The following TTC17 variants were observed in gnomAD, a reference collection of about 807,000 sequenced individuals.
TTC17 encodes the protein tetratricopeptide repeat protein 17.
Under a neutral mutation model 143.8 loss-of-function variants are expected in TTC17, and 58 were observed. That is an observed-to-expected ratio of 0.40 (90% CI 0.33 to 0.50). The LOEUF (loss-of-function observed/expected upper bound fraction) is 0.50, where lower values mean the gene tolerates loss of function less well. Ranked by LOEUF, TTC17 falls within the 20% of genes least tolerant of loss-of-function variation. TTC17 has a pLI of 0.49. For missense variants in TTC17, 1,273 were observed against 1,392.5 expected (o/e 0.91, Z 1.37); for synonymous variants, 501 against 497.8 (o/e 1.01, Z -0.09).
chr11:43,419,847 C>T (rs757397752), intron 16 of TTC17, among the ~76,000 whole-genome samples: 1 of 152,136 alleles, frequency 6.6e-6, no homozygotes, highest in Non-Finnish European at 1.5e-5. Context: ...TGTACCACTG[C>T]ACCTGACTCT....
chr11:43,368,522 T>A (rs964772774), intron 1 of TTC17, among the ~76,000 whole-genome samples: 2 of 152,178 alleles, frequency 1.3e-5, no homozygotes, highest in African/African-American at 4.8e-5. Context: ...TCCAGAATGT[T>A]TCCTGAATCC....
At chr11:43,362,665 C>T (rs1434613847) in intron 1 of TTC17, among the ~76,000 whole-genome samples, 2 of 152,168 alleles carry the variant, frequency 1.3e-5, no homozygotes, top group Non-Finnish European at 2.9e-5. Flanking sequence ...GGCTGAAGTG[C>T]ATGGTTACTC....
chr11:43,435,436 C>T (rs943766205), intron 16 of TTC17: 6 of 152,316 alleles, frequency 3.9e-5, no homozygotes, highest in Admixed American at 6.5e-5. Context: ...CTCCCCTACC[C>T]AGAGAATGAC....
intron 21 of TTC17, among the ~76,000 whole-genome samples, chr11:43,488,738 G>T (rs1948421425): frequency 6.6e-6 from 1 of 152,072 alleles, no homozygotes; most frequent in South Asian, 2.1e-4. Flanking sequence ...TCTGTCTCCT[G>T]CAGGCTGAAG....
rs7113795 is a variant in TTC17 at position 43,410,462 on chromosome 11, G to A, written c.2064+2885G>A. Reference sequence around the variant, plus strand: ...ATATATAAAGATCTTTTCCTGTGACGTCTCCTGGATATTTTATAGTTTTAG... The same window carrying A: ...ATATATAAAGATCTTTTCCTGTGACATCTCCTGGATATTTTATAGTTTTAG... On this transcript the variant is annotated intron_variant, in intron 15 of 23. Coordinates refer to ENST00000039989, the MANE Select transcript of TTC17 (RefSeq NM_018259.6). 4.6e-3 allele frequency among the ~76,000 whole-genome samples: 699 copies of A among 152,154 alleles called. 1 individual carries two copies. Among genetic ancestry groups the A allele is most frequent in the African/African-American group, 0.016 (667 of 41,506 alleles).
rs1565140808 is a variant in TTC17 at position 43,391,609 on chromosome 11, TG to T, written c.531+34del. ...GAGAACTTTAGGATTTTTTTTTTTTTGCGTTGCGTTCTTCTTTCAGTTGGTC... is the reference window on the plus strand; with the variant it reads ...GAGAACTTTAGGATTTTTTTTTTTTTCGTTGCGTTCTTCTTTCAGTTGGTC... On this transcript the variant is annotated intron_variant, in intron 4 of 23. Transcript: ENST00000039989. 1.1e-4 allele frequency: 29 copies of T among 271,556 alleles called. 2 individuals carry two copies. Among genetic ancestry groups the T allele is most frequent in the Admixed American group, 3.8e-4 (2 of 5,306 alleles). The allele number at this position is 271,556 out of a possible 1,614,324, so 16.8% of individuals were successfully genotyped here. A position where few individuals can be genotyped will look rare whatever the true frequency, so the allele number is the denominator to read the frequency against.
At chr11:43,451,887 G>T (rs1324564501) in intron 21 of TTC17, among the ~76,000 whole-genome samples, 1 of 152,144 alleles carries the variant, frequency 6.6e-6, no homozygotes, top group Non-Finnish European at 1.5e-5. Flanking sequence ...CCAACTTCAA[G>T]TATGAATGCG....
chr11:43,423,161 A>G (rs1289148288), intron 16 of TTC17, among the ~76,000 whole-genome samples: 2 of 152,214 alleles, frequency 1.3e-5, no homozygotes, highest in African/African-American at 2.4e-5. Flanking sequence ...GACTTGTCAG[A>G]TGAGAGTGAA....
At chr11:43,489,294 T>C (rs1321473686) in intron 21 of TTC17, among the ~76,000 whole-genome samples, 1 of 152,160 alleles carries the variant, frequency 6.6e-6, no homozygotes, top group Non-Finnish European at 1.5e-5. Flanking sequence ...TATGGAAGAA[T>C]GGTCAACTCT....
intron 15 of TTC17, among the ~76,000 whole-genome samples, chr11:43,413,287 G>A (rs1005016941): frequency 1.3e-5 from 2 of 152,140 alleles, no homozygotes; most frequent in Admixed American, 1.3e-4. Flanking sequence ...ATATCCTTAT[G>A]GAGAAAGATA....
At chr11:43,370,775 ATAGT>A (rs1360434421) in intron 1 of TTC17, among the ~76,000 whole-genome samples, 1 of 149,306 alleles carries the variant, frequency 6.7e-6, no homozygotes, top group Non-Finnish European at 1.5e-5. Flanking sequence ...AAACTGTCAG[ATAGT>A]TAAAGAGAGG....
chr11:43,477,444 G>A (rs182317933), intron 21 of TTC17, among the ~76,000 whole-genome samples: 1 of 152,136 alleles, frequency 6.6e-6, no homozygotes, highest in Non-Finnish European at 1.5e-5. Context: ...CCAAAACCAG[G>A]AACAAAAAGG....
intron 21 of TTC17, among the ~76,000 whole-genome samples, chr11:43,456,897 C>G (rs947279280): frequency 6.6e-6 from 1 of 152,070 alleles, no homozygotes; most frequent in Non-Finnish European, 1.5e-5. Flanking sequence ...AGGCTCAAAA[C>G]TTAGGAACGG....
chr11:43,453,972 G>A (rs1339711640), intron 21 of TTC17, among the ~76,000 whole-genome samples: 3 of 152,154 alleles, frequency 2.0e-5, no homozygotes, highest in African/African-American at 7.2e-5. Flanking sequence ...TGGCTGACTG[G>A]CAGCTACAGC....
chr11:43,378,517 A>G (rs904400959), intron 1 of TTC17, among the ~76,000 whole-genome samples: 1 of 152,220 alleles, frequency 6.6e-6, no homozygotes, highest in African/African-American at 2.4e-5. Context: ...CAAATGTTGT[A>G]ATGAGCATCC....
intron 1 of TTC17, among the ~76,000 whole-genome samples, chr11:43,377,000 A>G: frequency 6.6e-6 from 1 of 152,190 alleles, no homozygotes; most frequent in East Asian, 1.9e-4. Context: ...GGCACAGTAA[A>G]AATACAGTAT....
chr11:43,369,863 GCC>G (rs1856495669), intron 1 of TTC17, among the ~76,000 whole-genome samples: 1 of 151,898 alleles, frequency 6.6e-6, no homozygotes, highest in Non-Finnish European at 1.5e-5. Context: ...GAGTTCTCCC[GCC>G]TTGGCCTCCC....
Position 43,391,574 on chromosome 11 carries a change from A to C in TTC17, c.529A>C (p.Arg177=), listed in dbSNP as rs1019592858. The C allele has an allele frequency of 1.3e-6, 2 of 1,546,074 alleles. No individual in the cohort carries two copies. Among genetic ancestry groups the C allele is most frequent in the African/African-American group, 2.9e-5 (2 of 70,034 alleles). The change falls in exon 4 of 24, where the codon AGA becomes CGA. Residue 177 remains arginine (R), a splice_region_variant and synonymous_variant. Transcript: ENST00000039989. ...TAGTATACATGCTTTTCAGCACTTG[A>C]GAGTAAGTAGAGAACTTTAGGATTT... ...PYSIHAFQHL[R]GVQERVNLSA... is the part of the protein sequence containing the mutation.
At chr11:43,448,159 TG>T (rs1947586809) in intron 19 of TTC17, 37 bp downstream of exon 19, 1 of 1,610,592 alleles carries the variant, frequency 6.2e-7, no homozygotes, top group African/African-American at 1.3e-5. Context: ...TTATGGCATT[TG>T]AGTCCCATTG....
Sources: gnomAD v4.1 joint callset for allele counts (sites outside exome capture counted in the v4.1 genomes callset) on GRCh38, gnomAD v4.1.1 for gene constraint, MANE v1.5 for transcripts, NCBI Gene and HGNC (gene_info 2026-07-23, HGNC 2026-07-21) for gene names.